QPCT: variants seen among roughly 807,000 people sequenced by gnomAD.
QPCT encodes the protein EC.
Under a neutral mutation model 43.4 loss-of-function variants are expected in QPCT, and 44 were observed. That is an observed-to-expected ratio of 1.01 (90% CI 0.80 to 1.30). The LOEUF is 1.30. Among genes scored for constraint, QPCT ranks in the 50% most tolerant of loss-of-function variants. QPCT has a pLI of 0.00. For synonymous variants in QPCT, 168 were observed against 168.4 expected (o/e 1.00, Z 0.02); for missense variants, 526 against 436.5 (o/e 1.21, Z -1.83).
At chr2:37,349,880 A>G (rs72864841) in intron 1 of QPCT, among the ~76,000 whole-genome samples, 4,192 of 152,226 alleles carry the variant, frequency 0.028, 201 homozygotes, top group African/African-American at 0.097. Context: ...CTTAGCAAAG[A>G]TAATTTTAGA....
chr2:37,352,402 C>A (rs1361674493), intron 1 of QPCT, among the ~76,000 whole-genome samples: 3 of 152,190 alleles, frequency 2.0e-5, no homozygotes, highest in Admixed American at 2.0e-4. Context: ...CAGCTCACTG[C>A]AACCTTGACC....
chr2:37,368,564 C>T (rs995889389), intron 4 of QPCT: 1 of 470,926 alleles, frequency 2.1e-6, no homozygotes, highest in African/African-American at 2.0e-5. Flanking sequence ...CAAATGGTCA[C>T]ATTCTGTGTC....
chr2:37,351,609 C>T (rs1040678809), intron 1 of QPCT, among the ~76,000 whole-genome samples: 3 of 152,070 alleles, frequency 2.0e-5, no homozygotes, highest in Admixed American at 6.6e-5. Context: ...GGGCTGGGTG[C>T]GGTGGCTCAT....
chr2:37,345,405 T>G (rs1278022344), intron 1 of QPCT, among the ~76,000 whole-genome samples: 1 of 152,242 alleles, frequency 6.6e-6, no homozygotes, highest in Admixed American at 6.5e-5. Flanking sequence ...ACTGGAGACC[T>G]GCTTACTTCA....
intron 5 of QPCT, 150 bp downstream of exon 5, chr2:37,369,934 C>G: frequency 1.4e-6 from 1 of 691,538 alleles, no homozygotes; most frequent in Non-Finnish European, 2.5e-6. Flanking sequence ...GGCAGATCAG[C>G]TAGGGTCAGG....
rs186597728 is a variant in QPCT at position 37,353,537 on chromosome 2, C to T, written c.267+602C>T. 2.6e-5 allele frequency among the ~76,000 whole-genome samples: 4 copies of T among 152,296 alleles called. No individual in the cohort carries two copies. In the East Asian group the frequency reaches 7.7e-4, roughly 29 times the overall value. On this transcript the variant is annotated intron_variant, in intron 2 of 6. Transcript: ENST00000338415. ...TTACAGCATTTTACTGCAATATGGT[C>T]AGTTCTATTTTATTGGTTCTTAAAA... is the stretch of plus-strand genomic sequence containing the variant.
intron 1 of QPCT, among the ~76,000 whole-genome samples, chr2:37,349,849 T>C (rs1179988974): frequency 6.6e-6 from 1 of 152,192 alleles, no homozygotes; most frequent in African/African-American, 2.4e-5. Flanking sequence ...CCATGTTACT[T>C]TATTATTATA....
chr2:37,359,879 G>C (rs760735518), intron 3 of QPCT, 21 bp downstream of exon 3: 1 of 1,606,362 alleles, frequency 6.2e-7, no homozygotes, highest in Non-Finnish European at 8.5e-7. Context: ...TCTGCTTATT[G>C]ATTCCTAGGA....
chr2:37,372,807 T>C lies in QPCT; in HGVS notation c.1066T>C (p.Leu356=), dbSNP rs772166314. The C allele has an allele frequency of 5.0e-6, 8 of 1,610,660 alleles. No homozygotes were observed. Among genetic ancestry groups the C allele is most frequent in the African/African-American group, 1.3e-5 (1 of 74,902 alleles). Residue 356 remains leucine, a synonymous_variant, in exon 7 of 7, where the codon TTG becomes CTG. Transcript: ENST00000338415. Reference sequence around the variant, plus strand: ...AAACAAAATCCTACAAGTCTTTGTGTTGGAATATCTTCATTTGTAATACTC... The same window carrying C: ...AAACAAAATCCTACAAGTCTTTGTGCTGGAATATCTTCATTTGTAATACTC... ...NLNKILQVFV[L]EYLHL
intron 2 of QPCT, among the ~76,000 whole-genome samples, chr2:37,358,056 G>C (rs1411515806): frequency 1.3e-5 from 2 of 149,446 alleles, no homozygotes; most frequent in Non-Finnish European, 3.0e-5. Context: ...TTTGTCGTTT[G>C]ACTTTTTATA....
At chr2:37,349,664 A>T (rs1672578040) in intron 1 of QPCT, among the ~76,000 whole-genome samples, 1 of 152,142 alleles carries the variant, frequency 6.6e-6, no homozygotes, top group African/African-American at 2.4e-5. Context: ...GCTTGGGTCA[A>T]CCCAGCTCTT....
chr2:37,363,677 A>C (rs1271758613), intron 3 of QPCT, among the ~76,000 whole-genome samples: 2 of 145,472 alleles, frequency 1.4e-5, no homozygotes, highest in East Asian at 4.1e-4. Context: ...AAAAAAAAAA[A>C]AAATAGAAAG....
At position 37,372,484 on chromosome 2, in the gene QPCT, G is replaced by T. The variant is rs745352263; in HGVS notation, c.940+12G>T. 3.1e-5 allele frequency: 49 copies of T among 1,592,288 alleles called. No individual in the cohort carries two copies. In the South Asian group the frequency reaches 4.0e-4, roughly 13 times the overall value. On this transcript the variant is annotated intron_variant, in intron 6 of 6. Coordinates refer to ENST00000338415, the MANE Select transcript of QPCT (RefSeq NM_012413.4). ...ATTTTTAAGAAGAGGTAATGTGTGT[G>T]TGTGTGTGTGTTTGTGTGTGTGTGC...
chr2:37,351,062 C>T (rs1672610901), intron 1 of QPCT, among the ~76,000 whole-genome samples: 3 of 152,326 alleles, frequency 2.0e-5, no homozygotes, highest in South Asian at 4.1e-4. Context: ...AAACAGCCAT[C>T]TCGGAGTATA....
chr2:37,352,694 T>G, intron 1 of QPCT, 95 bp from the exon 2 acceptor site: 1 of 1,433,392 alleles, frequency 7.0e-7, no homozygotes, highest in Non-Finnish European at 9.6e-7. Context: ...AGTTCTCCCT[T>G]ATTTTGAAGT....
At chr2:37,363,659 T>TAAAAAAAAAAAAAAAA (rs58100358) in intron 3 of QPCT, among the ~76,000 whole-genome samples, 2 of 79,412 alleles carry the variant, frequency 2.5e-5, no homozygotes, top group Non-Finnish European at 7.4e-5. Flanking sequence ...TTTTAAAATG[T>TAAAAAAAAAAAAAAAA]AAAAAAAAAA....
chr2:37,353,750 C>T (rs1286951234), intron 2 of QPCT, among the ~76,000 whole-genome samples: 2 of 152,180 alleles, frequency 1.3e-5, no homozygotes, highest in Admixed American at 6.5e-5. Flanking sequence ...TAAGGGGCCG[C>T]TTGGGAAGGA....
chr2:37,349,322 T>C (rs1392564486), intron 1 of QPCT, among the ~76,000 whole-genome samples: 1 of 152,274 alleles, frequency 6.6e-6, no homozygotes, highest in Non-Finnish European at 1.5e-5. Flanking sequence ...GCCTGGCCTG[T>C]CTGCTGGATT....
chr2:37,369,777 A>G lies in QPCT; in HGVS notation c.816A>G (p.Gln272=), dbSNP rs1433328459. 2 of 1,573,014 alleles carry G rather than the reference A, an allele frequency of 1.3e-6. No individual in the cohort carries two copies. The highest frequency in any genetic ancestry group is 4.5e-5 in the East Asian group (2 of 44,674). The change falls in exon 5 of 7, where the codon CAA becomes CAG. Residue 272 remains glutamine (Q), a synonymous_variant. Coordinates refer to ENST00000338415, the MANE Select transcript of QPCT (RefSeq NM_012413.4). ...CAGCCAGGTGGTTCGAAAGACTTCAAGCAATTGGTAAGCACCACTGTTATT... is the reference window on the plus strand; with the variant it reads ...CAGCCAGGTGGTTCGAAAGACTTCAGGCAATTGGTAAGCACCACTGTTATT... ...PNSARWFERL[Q]AIEHELHELG...
Sources: gnomAD v4.1 joint callset for allele counts (sites outside exome capture counted in the v4.1 genomes callset) on GRCh38, gnomAD v4.1.1 for gene constraint, MANE v1.5 for transcripts, NCBI Gene and HGNC (gene_info 2026-07-23, HGNC 2026-07-21) for gene names.